TICRR: variants seen among roughly 807,000 people sequenced by gnomAD.
TICRR encodes the protein TOPBP1 interacting checkpoint and replication regulator.
TICRR carries 132 observed loss-of-function variants against 178.1 expected under a neutral mutation model. The observed-to-expected ratio is 0.74, with a 90% confidence interval of 0.64 to 0.86. The LOEUF (loss-of-function observed/expected upper bound fraction) is 0.86, where lower values mean the gene tolerates loss of function less well. Ranked by LOEUF, TICRR falls within the 40% of genes least tolerant of loss-of-function variation. The pLI is 0.00. For missense variants in TICRR, 2,587 were observed against 2,334.3 expected (o/e 1.11, Z -2.23); for synonymous variants, 991 against 900.7 (o/e 1.10, Z -1.79).
rs1963560196 is a variant in TICRR, at chr15:89,627,713, TTCAGGGC to T, written c.*633_*639del. On this transcript the variant is annotated 3_prime_UTR_variant, in exon 22 of 22. Transcript: ENST00000268138. Reference sequence around the variant, plus strand: ...CAAGGACTGTCCAAGAGCCAGCCAGTTCAGGGCTCAGGCCTCACCCATTGCCCACTCC... The same window carrying T: ...CAAGGACTGTCCAAGAGCCAGCCAGTTCAGGCCTCACCCATTGCCCACTCC... The T allele has an allele frequency of 6.5e-6, 1 of 153,062 alleles. No homozygotes were observed. The highest frequency in any genetic ancestry group is 1.5e-5 in the Non-Finnish European group (1 of 68,704). The allele number at this position is 153,062 out of a possible 1,614,324, so 9.5% of individuals were successfully genotyped here. A position where few individuals can be genotyped will look rare whatever the true frequency, so the allele number is the denominator to read the frequency against.
chr15:89,589,525 A>AT (rs1320431703), intron 4 of TICRR, among the ~76,000 whole-genome samples: 2 of 152,126 alleles, frequency 1.3e-5, no homozygotes, highest in African/African-American at 4.8e-5. Context: ...CTCTCTTTCC[A>AT]TGCAGAGGGA....
chr15:89,602,941 G>C, intron 13 of TICRR, 49 bp downstream of exon 13: 4 of 1,025,990 alleles, frequency 3.9e-6, no homozygotes, highest in Non-Finnish European at 5.4e-6. Context: ...AGAACAAAAA[G>C]GCAGTGTCCC....
At position 89,584,469 on chromosome 15, in the gene TICRR, C is replaced by T. The variant is rs1962785615; in HGVS notation, c.1118C>T (p.Thr373Ile). The T allele has an allele frequency of 1.2e-6, 2 of 1,606,746 alleles. No homozygotes were observed. The highest frequency in any genetic ancestry group is 1.7e-6 in the Non-Finnish European group (2 of 1,175,956). ...MLGSPEESTA[T>I]QRLLFQQLVS... is the part of the protein sequence containing the mutation. Reference sequence around the variant, plus strand: ...GGAAGTCCAGAGGAGAGCACAGCAACTCAAAGGCTGTTATTTCAGCAGTTG... The same window carrying T: ...GGAAGTCCAGAGGAGAGCACAGCAATTCAAAGGCTGTTATTTCAGCAGTTG... Residue 373 changes from threonine (T) to isoleucine (I), a missense_variant, in exon 3 of 22, where the codon ACT becomes ATT. Transcript: ENST00000268138.
intron 2 of TICRR, among the ~76,000 whole-genome samples, chr15:89,583,673 ATACT>A (rs1013460679): frequency 5.3e-5 from 8 of 152,092 alleles, no homozygotes; most frequent in Non-Finnish European, 8.8e-5. Flanking sequence ...CATTGCTTGA[ATACT>A]TACTTCTTTT....
Position 89,575,773 on chromosome 15 carries a change from T to C in TICRR, c.187T>C (p.Ser63Pro). Residue 63 changes from serine (S) to proline (P), a missense_variant, in exon 1 of 22, where the codon TCT becomes CCT. By Grantham distance (74) the Ser-to-Pro change is moderately conservative. Transcript: ENST00000268138. ...QGARSRPSRV[S>P]DFRELGSRSW... ...GGCGCGGAGCCGGCCGTCCCGCGTG[T>C]CTGACTTCCGCGAGCTGGGGTCCCG... 6.2e-7 allele frequency: 1 copy of C among 1,609,224 alleles called. No individual in the cohort carries two copies. Among genetic ancestry groups the C allele is most frequent in the African/African-American group, 1.3e-5 (1 of 74,958 alleles).
chr15:89,617,433 A>G (rs1448396118), intron 16 of TICRR, among the ~76,000 whole-genome samples: 1 of 152,198 alleles, frequency 6.6e-6, no homozygotes, highest in Non-Finnish European at 1.5e-5. Context: ...ATAGTTTGGT[A>G]TAATTTTTTA....
intron 15 of TICRR, among the ~76,000 whole-genome samples, chr15:89,614,870 T>C (rs374767019): frequency 3.9e-5 from 6 of 152,350 alleles, no homozygotes; most frequent in African/African-American, 1.4e-4. Flanking sequence ...ACTGAGGGGC[T>C]CTGTGTGTTG....
intron 13 of TICRR, among the ~76,000 whole-genome samples, chr15:89,603,584 CTT>C (rs1963130291): frequency 6.6e-6 from 1 of 152,084 alleles, no homozygotes; most frequent in African/African-American, 2.4e-5. Flanking sequence ...GACTTCATCT[CTT>C]AAGTGAATTA....
intron 9 of TICRR, 21 bp downstream of exon 9, chr15:89,600,706 A>T (rs190063444): frequency 2.5e-6 from 3 of 1,179,790 alleles, no homozygotes; most frequent in African/African-American, 1.9e-5. Flanking sequence ...ACCATTTTTT[A>T]AAAAATCATC....
At chr15:89,601,451 A>C in intron 10 of TICRR, 38 bp from the exon 11 acceptor site, 1 of 1,613,204 alleles carries the variant, frequency 6.2e-7, no homozygotes, top group Non-Finnish European at 8.5e-7. Context: ...TTCCCTGCAG[A>C]GGGCATCTAT....
At chr15:89,593,947 C>A (rs1176217975) in intron 5 of TICRR, among the ~76,000 whole-genome samples, 7 of 152,152 alleles carry the variant, frequency 4.6e-5, no homozygotes. Flanking sequence ...TAACTAATCA[C>A]CCCTCCTGCC....
In TICRR at chr15:89,595,404, C is replaced by T. The variant is rs575077664; in HGVS notation, c.1693C>T (p.Arg565Cys). ...EDSKKKRGVP[R>C]TPVRQKMNTM... ...TGTTGTTTTGGTAGGAGGGGTCCCT[C>T]GTACTCCAGTGAGACAGAAGATGAA... Residue 565 changes from arginine (R) to cysteine (C), a missense_variant, in exon 7 of 22, where the codon CGT becomes TGT. Coordinates refer to ENST00000268138, the MANE Select transcript of TICRR (RefSeq NM_152259.4). 4.3e-6 allele frequency: 7 copies of T among 1,613,764 alleles called. No homozygotes were observed. In the Admixed American group the frequency reaches 5.0e-5, roughly 12 times the overall value.
Position 89,616,446 on chromosome 15 carries a change from G to A in TICRR, c.2911G>A (p.Val971Met), listed in dbSNP as rs1291353449. The A allele has an allele frequency of 4.3e-6, 7 of 1,613,962 alleles. No individual in the cohort carries two copies. The highest frequency in any genetic ancestry group is 4.2e-6 in the Non-Finnish European group (5 of 1,179,966). The stretch of plus-strand genomic sequence containing the variant: ...GACTAAGAGTGTGGCCGAGACTCCA[G>A]TGCATAAGCAGATCTCCAAAAGGCT... ...LLTKSVAETP[V>M]HKQISKRLLH... The change falls in exon 16 of 22, where the codon GTG (valine) becomes ATG (methionine). Residue 971 changes from valine (V) to methionine (M), a missense_variant. Transcript: ENST00000268138.
chr15:89,602,044 T>C (rs2141966042), intron 12 of TICRR, 68 bp downstream of exon 12: 1 of 1,569,422 alleles, frequency 6.4e-7, no homozygotes, highest in Non-Finnish European at 8.7e-7. Context: ...GTGTTTAAAC[T>C]ACAGTCCAGT....
chr15:89,624,799 G>A lies in TICRR; in HGVS notation c.4489G>A (p.Glu1497Lys). 6.2e-7 allele frequency: 1 copy of A among 1,614,200 alleles called. No individual in the cohort carries two copies. Among genetic ancestry groups the A allele is most frequent in the Non-Finnish European group, 8.5e-7 (1 of 1,180,042 alleles). The change falls in exon 20 of 22, where the codon GAG becomes AAG. Residue 1497 changes from glutamate to lysine, a missense_variant. Coordinates refer to ENST00000268138, the MANE Select transcript of TICRR (RefSeq NM_152259.4). The part of the protein sequence containing the change: ...EGEGLRTADA[E>K]KSSLSHPGIP... The stretch of plus-strand genomic sequence containing the variant: ...TGAGGGGCTAAGGACAGCAGATGCT[G>A]AGAAGTCTTCTCTGTCTCACCCTGG...
intron 21 of TICRR, among the ~76,000 whole-genome samples, chr15:89,626,341 CTA>C (rs1963526002): frequency 6.6e-6 from 1 of 152,198 alleles, no homozygotes; most frequent in Non-Finnish European, 1.5e-5. Flanking sequence ...CATCTGCAGT[CTA>C]AGAATCTGAA....
At chr15:89,583,875 T>C (rs1183308152) in intron 2 of TICRR, among the ~76,000 whole-genome samples, 1 of 152,054 alleles carries the variant, frequency 6.6e-6, no homozygotes, top group East Asian at 1.9e-4. Flanking sequence ...TTTGTAGAGA[T>C]GGGGTTTTGC....
At chr15:89,601,262 C>A (rs1428374875) in intron 9 of TICRR, 36 bp from the exon 10 acceptor site, 3 of 1,590,800 alleles carry the variant, frequency 1.9e-6, no homozygotes, top group East Asian at 4.5e-5. Flanking sequence ...TAGTGACATC[C>A]AAAGTAGATA....
intron 15 of TICRR, among the ~76,000 whole-genome samples, chr15:89,611,227 G>A (rs1963251852): frequency 6.6e-6 from 1 of 151,716 alleles, no homozygotes; most frequent in Non-Finnish European, 1.5e-5. Flanking sequence ...TTATCTATTT[G>A]GAAATGTCTT....
Sources: allele counts gnomAD v4.1 joint callset (sites outside exome capture counted in the v4.1 genomes callset), GRCh38; gene constraint gnomAD v4.1.1; transcripts MANE v1.5; gene names NCBI Gene and HGNC (gene_info 2026-07-23, HGNC 2026-07-21).